DTNB: variants seen among roughly 807,000 people sequenced by gnomAD.
DTNB encodes dystrobrevin beta.
A neutral mutation model predicts 90.7 loss-of-function variants in DTNB; 63 were observed. The observed-to-expected ratio is 0.69, with a 90% CI of 0.57 to 0.86. DTNB has a LOEUF of 0.86. Among genes scored for constraint, DTNB ranks in the 40% least tolerant of loss-of-function variants. The pLI, the probability that DTNB is intolerant of heterozygous loss-of-function variation, is 0.00. For missense variants in DTNB, 744 were observed against 807.1 expected, an observed-to-expected ratio of 0.92 and a Z score of 0.95; for synonymous variants, 277 against 286.7, an observed-to-expected ratio of 0.97 and a Z score of 0.34.
intron 4 of DTNB, among the ~76,000 whole-genome samples, chr2:25,625,797 G>A (rs1211375947): frequency 1.3e-5 from 2 of 151,870 alleles, no homozygotes; most frequent in Admixed American, 6.6e-5. Context: ...GAATGCCTGT[G>A]TTCCCCAAAA....
intron 3 of DTNB, among the ~76,000 whole-genome samples, chr2:25,638,210 G>A (rs542749704): frequency 5.8e-4 from 89 of 152,318 alleles, no homozygotes; most frequent in Admixed American, 4.1e-3. Context: ...GGCCTGTCAT[G>A]GGATGGCAGG....
chr2:25,397,654 TG>T (rs1167328495), intron 16 of DTNB, among the ~76,000 whole-genome samples: 1 of 151,630 alleles, frequency 6.6e-6, no homozygotes, highest in Non-Finnish European at 1.5e-5. Flanking sequence ...CCGAGGTAGG[TG>T]CATCACCTAA....
At chr2:25,597,900 A>T (rs2064975344) in intron 5 of DTNB, among the ~76,000 whole-genome samples, 1 of 152,232 alleles carries the variant, frequency 6.6e-6, no homozygotes, top group Non-Finnish European at 1.5e-5. Context: ...AGCTGACAAC[A>T]GAAAAAACAG....
intron 16 of DTNB, among the ~76,000 whole-genome samples, chr2:25,405,159 C>A (rs1436058263): frequency 6.6e-6 from 1 of 152,134 alleles, no homozygotes; most frequent in African/African-American, 2.4e-5. Context: ...AATGCCTGGG[C>A]TCAAGTGATC....
chr2:25,618,781 G>A (rs565875187), intron 4 of DTNB, among the ~76,000 whole-genome samples: 3 of 152,280 alleles, frequency 2.0e-5, no homozygotes, highest in African/African-American at 4.8e-5. Context: ...TAAGGGACAT[G>A]ATGATCCCTT....
chr2:25,625,842 T>A (rs754821645), intron 4 of DTNB, among the ~76,000 whole-genome samples: 2 of 152,090 alleles, frequency 1.3e-5, no homozygotes, highest in Non-Finnish European at 2.9e-5. Flanking sequence ...CAAGGTACGG[T>A]ATTAGAAGGT....
At chr2:25,649,334 C>T (rs1020303675) in intron 2 of DTNB, among the ~76,000 whole-genome samples, 6 of 152,102 alleles carry the variant, frequency 3.9e-5, no homozygotes, top group African/African-American at 9.7e-5. Context: ...ATAACCTCTG[C>T]GGCCCTAACC....
At position 25,594,553 on chromosome 2, in the gene DTNB, T is replaced by C. The variant is rs146643464; in HGVS notation, c.603+1533A>G. ...GAAGTATGTAGGTGGGGAGGGGCCA[T>C]GTGTGCATGTGTTTTTCATTCGTTT... On this transcript the variant is annotated intron_variant, in intron 6 of 20. Coordinates refer to ENST00000406818, the MANE Select transcript of DTNB (RefSeq NM_021907.5). Among the ~76,000 whole-genome samples the C allele has an allele frequency of 3.3e-5, 5 of 152,354 alleles. No homozygotes were observed. The East Asian group carries it at 5.8e-4, about 18-fold the overall frequency.
intron 15 of DTNB, among the ~76,000 whole-genome samples, chr2:25,427,051 G>A (rs1021072605): frequency 5.3e-5 from 8 of 151,936 alleles, no homozygotes; most frequent in South Asian, 2.1e-4. Flanking sequence ...GGTGGTGGGC[G>A]CCTGTAATCC....
At chr2:25,672,064 A>C (rs2086046570) in intron 1 of DTNB, among the ~76,000 whole-genome samples, 1 of 152,190 alleles carries the variant, frequency 6.6e-6, no homozygotes, top group Non-Finnish European at 1.5e-5. Context: ...CTCAAGCAAC[A>C]GGCCAAGGAG....
At chr2:25,592,710 A>G (rs527834487) in intron 6 of DTNB, among the ~76,000 whole-genome samples, 2 of 152,336 alleles carry the variant, frequency 1.3e-5, no homozygotes, top group Non-Finnish European at 2.9e-5. Flanking sequence ...ATTTCTTTAC[A>G]TCAAAATGCT....
At chr2:25,471,426 T>A (rs1329531064) in intron 10 of DTNB, among the ~76,000 whole-genome samples, 2 of 149,264 alleles carry the variant, frequency 1.3e-5, no homozygotes, top group Non-Finnish European at 3.0e-5. Flanking sequence ...TCTCACTCAC[T>A]CTGTTGCTCA....
intron 9 of DTNB, among the ~76,000 whole-genome samples, chr2:25,483,913 G>C (rs948875819): frequency 6.6e-6 from 1 of 152,154 alleles, no homozygotes; most frequent in Non-Finnish European, 1.5e-5. Context: ...TATTTTTACT[G>C]TACCTTTTCT....
intron 12 of DTNB, among the ~76,000 whole-genome samples, chr2:25,439,514 G>A (rs2056856004): frequency 6.6e-6 from 1 of 151,922 alleles, no homozygotes; most frequent in Admixed American, 6.6e-5. Context: ...AATAATAATA[G>A]GGGAAACTGG....
chr2:25,441,968 T>A (rs553089913), intron 12 of DTNB, among the ~76,000 whole-genome samples: 6 of 152,338 alleles, frequency 3.9e-5, no homozygotes, highest in African/African-American at 1.4e-4. Flanking sequence ...AAACAGATTT[T>A]TTTTTTCCTC....
intron 4 of DTNB, among the ~76,000 whole-genome samples, chr2:25,609,704 A>G (rs1001034556): frequency 2.1e-5 from 3 of 146,222 alleles, no homozygotes; most frequent in African/African-American, 7.5e-5. Context: ...ACACACACAC[A>G]CACAAAATTA....
At chr2:25,491,712 T>C (rs2067544451) in intron 9 of DTNB, among the ~76,000 whole-genome samples, 1 of 151,740 alleles carries the variant, frequency 6.6e-6, no homozygotes, top group Non-Finnish European at 1.5e-5. Flanking sequence ...TGGTCTGTTA[T>C]TTTTTTTCTT....
chr2:25,641,068 G>C (rs2078203157), intron 2 of DTNB, among the ~76,000 whole-genome samples: 1 of 152,168 alleles, frequency 6.6e-6, no homozygotes, highest in Admixed American at 6.5e-5. Context: ...GTTTGCCAGA[G>C]ATCTCTACAC....
chr2:25,558,159 C>T (rs1035439137), intron 8 of DTNB: 3 of 948,168 alleles, frequency 3.2e-6, no homozygotes, highest in Non-Finnish European at 2.5e-6. Context: ...CTAGACATTT[C>T]GTAGTCACTA....
Sources: allele counts gnomAD v4.1 joint callset (sites outside exome capture counted in the v4.1 genomes callset), GRCh38; gene constraint gnomAD v4.1.1; transcripts MANE v1.5; gene names NCBI Gene and HGNC (gene_info 2026-07-23, HGNC 2026-07-21).